Variants in ITGA8 observed in about 807,000 individuals in gnomAD.
ITGA8 encodes the protein integrin subunit alpha 8.
A neutral mutation model predicts 142.3 loss-of-function variants in ITGA8; 91 were observed. The observed-to-expected ratio is 0.64, with a 90% confidence interval of 0.54 to 0.76. The LOEUF (loss-of-function observed/expected upper bound fraction) is 0.76. ITGA8 is among the 30% of genes least tolerant of loss of function. The pLI, the probability that ITGA8 is intolerant of heterozygous loss-of-function variation, is 0.00. For missense variants in ITGA8, 1,406 were observed against 1,327.7 expected, an observed-to-expected ratio of 1.06 and a Z score of -0.92; for synonymous variants, 505 against 485.2, an observed-to-expected ratio of 1.04 and a Z score of -0.54.
At chr10:15,697,013 A>G (rs1032163142) in intron 2 of ITGA8, among the ~76,000 whole-genome samples, 4 of 150,068 alleles carry the variant, frequency 2.7e-5, no homozygotes, top group African/African-American at 9.9e-5. Flanking sequence ...TTCTGTCTCT[A>G]AAGTCTCAGA....
chr10:15,676,290 C>A (rs749841817), intron 6 of ITGA8, among the ~76,000 whole-genome samples: 1 of 152,182 alleles, frequency 6.6e-6, no homozygotes, highest in South Asian at 2.1e-4. Flanking sequence ...CTGGCCTATG[C>A]AGCACCTTAG....
chr10:15,716,097 A>G (rs1835446081), intron 2 of ITGA8, among the ~76,000 whole-genome samples: 1 of 152,346 alleles, frequency 6.6e-6, no homozygotes, highest in Non-Finnish European at 1.5e-5. Flanking sequence ...CACAGGTCAC[A>G]GCCTTGTTCA....
intron 21 of ITGA8, 147 bp from the exon 22 acceptor site, chr10:15,592,451 G>A (rs1057159994): frequency 1.4e-5 from 9 of 635,296 alleles, no homozygotes; most frequent in Non-Finnish European, 2.2e-5. Flanking sequence ...GCCAAGAGAA[G>A]TCATGCAATG....
chr10:15,587,852 A>G (rs905031104), intron 22 of ITGA8, among the ~76,000 whole-genome samples: 1 of 152,192 alleles, frequency 6.6e-6, no homozygotes, highest in East Asian at 1.9e-4. Context: ...TGGGTTTCAA[A>G]ATGTGTGTGC....
intron 29 of ITGA8, among the ~76,000 whole-genome samples, chr10:15,517,656 G>A (rs919533541): frequency 2.0e-5 from 3 of 152,200 alleles, no homozygotes; most frequent in Admixed American, 6.5e-5. Context: ...CTGGAGCTCT[G>A]CACGTATAAT....
chr10:15,707,835 AG>A (rs1315383150), intron 2 of ITGA8, among the ~76,000 whole-genome samples: 1 of 151,274 alleles, frequency 6.6e-6, no homozygotes, highest in African/African-American at 2.4e-5. Context: ...AAAAAAAAAA[AG>A]GAAAGAAAAA....
intron 13 of ITGA8, among the ~76,000 whole-genome samples, chr10:15,631,287 T>C (rs1010728677): frequency 6.6e-6 from 1 of 151,960 alleles, no homozygotes; most frequent in Non-Finnish European, 1.5e-5. Flanking sequence ...TGCAGCACTA[T>C]TCACAATAGC....
At chr10:15,597,607 A>C (rs1276278468) in intron 20 of ITGA8, among the ~76,000 whole-genome samples, 1 of 152,146 alleles carries the variant, frequency 6.6e-6, no homozygotes, top group African/African-American at 2.4e-5. Flanking sequence ...TGTGAAACTC[A>C]GGGCATGAAA....
At chr10:15,684,687 AT>A (rs10713301) in intron 3 of ITGA8, among the ~76,000 whole-genome samples, 121,474 of 150,414 alleles carry the variant, frequency 0.81, 49,727 homozygotes, top group Middle Eastern at 0.89. Context: ...TAGAAATTAA[AT>A]TTTTTTTTTT....
At position 15,592,271 on chromosome 10, in the gene ITGA8, G is replaced by T; in HGVS notation, c.2245C>A (p.Leu749Ile). 6.2e-7 allele frequency: 1 copy of T among 1,613,854 alleles called. No individual in the cohort carries two copies. The highest frequency in any genetic ancestry group is 8.5e-7 in the Non-Finnish European group (1 of 1,179,764). Residue 749 changes from leucine (L) to isoleucine (I), a missense_variant, in exon 22 of 30, where the codon CTT becomes ATT. Coordinates refer to ENST00000378076, the MANE Select transcript of ITGA8 (RefSeq NM_003638.3). The part of the protein sequence containing the change: ...SLGLRFAVPR[L>I]EKTNMSINFD... The stretch of plus-strand genomic sequence containing the variant: ...TTAATGCTCATGTTTGTTTTCTCAA[G>T]ACGTGGAACTGCAAATCGGAGGCCC...
At chr10:15,588,592 T>C (rs1178581878) in intron 22 of ITGA8, among the ~76,000 whole-genome samples, 3 of 152,222 alleles carry the variant, frequency 2.0e-5, no homozygotes, top group African/African-American at 7.2e-5. Context: ...TTTAAATATA[T>C]TTGTGCCACA....
intron 28 of ITGA8, among the ~76,000 whole-genome samples, chr10:15,527,188 T>C (rs1033589579): frequency 4.6e-5 from 7 of 152,142 alleles, no homozygotes; most frequent in Admixed American, 2.0e-4. Flanking sequence ...ATTTAAACAG[T>C]TTCCTTATGA....
intron 5 of ITGA8, among the ~76,000 whole-genome samples, 187 bp from the exon 6 acceptor site, chr10:15,677,824 G>A (rs917575491): frequency 5.9e-5 from 9 of 152,106 alleles, no homozygotes; most frequent in Admixed American, 4.6e-4. Flanking sequence ...CAATTATTTA[G>A]TGTGTTATCA....
At chr10:15,631,668 A>G (rs1833687542) in intron 13 of ITGA8, among the ~76,000 whole-genome samples, 1 of 151,508 alleles carries the variant, frequency 6.6e-6, no homozygotes, top group Non-Finnish European at 1.5e-5. Flanking sequence ...ATGCCTATGT[A>G]ATAAACCTGC....
intron 29 of ITGA8, among the ~76,000 whole-genome samples, chr10:15,517,614 A>G (rs957703032): frequency 1.3e-5 from 2 of 152,230 alleles, no homozygotes; most frequent in Non-Finnish European, 2.9e-5. Context: ...GTGAGCCACC[A>G]CACCTGGCCC....
At position 15,528,380 on chromosome 10, in the gene ITGA8, T is replaced by C. The variant is rs141029473; in HGVS notation, c.2982+2670A>G. On this transcript the variant is annotated intron_variant, in intron 28 of 29. Transcript: ENST00000378076. ...TCCCTGTGTGCTGCATAGCTAACTT[T>C]GCACTGGCAAGGTCTTCTCCAGTTA... Among the ~76,000 whole-genome samples, 960 of 152,346 alleles carry C rather than the reference T, an allele frequency of 6.3e-3. 9 individuals are homozygous for C. The highest frequency in any genetic ancestry group is 0.022 in the African/African-American group (933 of 41,582).
chr10:15,522,752 C>A (rs1413625472), intron 28 of ITGA8, among the ~76,000 whole-genome samples: 1 of 152,208 alleles, frequency 6.6e-6, no homozygotes, highest in Non-Finnish European at 1.5e-5. Context: ...TGGCTCATGC[C>A]TGTAATCCCA....
chr10:15,662,827 C>T (rs952453101), intron 8 of ITGA8, among the ~76,000 whole-genome samples: 1 of 152,160 alleles, frequency 6.6e-6, no homozygotes, highest in Non-Finnish European at 1.5e-5. Context: ...GCAAAGTCAA[C>T]ATTCTTTCCA....
In ITGA8 at chr10:15,672,742, C is replaced by A. The variant is rs1834549496; in HGVS notation, c.684G>T (p.Val228=). The change falls in exon 7 of 30, where the codon GTG becomes GTT. Residue 228 remains valine (V), a synonymous_variant. Transcript: ENST00000378076. ...GPGSFYWQGQ[V]ITASVADIIA... is the part of the protein sequence containing the mutation. Reference sequence around the variant, plus strand: ...TGATATCTGCAACACTGGCAGTGATCACTTGTCCTGTGTTTAAACAAATTA... The same window carrying A: ...TGATATCTGCAACACTGGCAGTGATAACTTGTCCTGTGTTTAAACAAATTA... 1.9e-6 allele frequency: 3 copies of A among 1,607,802 alleles called. No individual in the cohort carries two copies. Among genetic ancestry groups the A allele is most frequent in the South Asian group, 1.1e-5 (1 of 89,824 alleles).
Sources: gnomAD v4.1 joint callset for allele counts (sites outside exome capture counted in the v4.1 genomes callset) on GRCh38, gnomAD v4.1.1 for gene constraint, MANE v1.5 for transcripts, NCBI Gene and HGNC (gene_info 2026-07-23, HGNC 2026-07-21) for gene names.